Variants in RAI14 observed in about 807,000 individuals in gnomAD.
The protein encoded by RAI14 is ankycorbin.
Under a neutral mutation model 115.4 loss-of-function variants are expected in RAI14, and 45 were observed. The ratio of observed to expected loss-of-function variants is 0.39; its 90% CI spans 0.31 to 0.50. The LOEUF is 0.50. RAI14 is among the 20% of genes least tolerant of loss of function. The probability of loss-of-function intolerance (pLI) is 0.85; values close to 1 mark genes in which losing one functional copy is unlikely to be tolerated. For missense variants in RAI14, 939 were observed against 1,131.2 expected, an observed-to-expected ratio of 0.83 and a Z score of 2.44; for synonymous variants, 371 against 415.4, an observed-to-expected ratio of 0.89 and a Z score of 1.30.
chr5:34,740,127 G>C (rs1269034408), intron 2 of RAI14, among the ~76,000 whole-genome samples: 3 of 152,174 alleles, frequency 2.0e-5, no homozygotes. Flanking sequence ...TATACACCAA[G>C]TGACTTTCAG....
chr5:34,813,534 AC>A, intron 10 of RAI14, 39 bp from the exon 11 acceptor site: 1 of 1,500,424 alleles, frequency 6.7e-7, no homozygotes, highest in Non-Finnish European at 9.2e-7. Flanking sequence ...TACTAACCAA[AC>A]TAACCCACCT....
At position 34,767,584 on chromosome 5, in the gene RAI14, C is replaced by T. The variant is rs962068573; in HGVS notation, c.167+9986C>T. 8.8e-5 allele frequency among the ~76,000 whole-genome samples: 13 copies of T among 146,986 alleles called. 1 individual carries two copies. Among genetic ancestry groups the T allele is most frequent in the African/African-American group, 3.0e-4 (12 of 39,394 alleles). The stretch of plus-strand genomic sequence containing the variant: ...CCTTCCAAGATGCTGTCGCTGCCAC[C>T]GCCACCGCCCCCACCACCCCCACCA... On this transcript the variant is annotated intron_variant, in intron 3 of 17. Coordinates refer to ENST00000265109, the MANE Select transcript of RAI14 (RefSeq NM_015577.3).
chr5:34,822,724 C>A (rs1757012696), intron 14 of RAI14, among the ~76,000 whole-genome samples: 1 of 120,472 alleles, frequency 8.3e-6, no homozygotes, highest in Non-Finnish European at 1.6e-5. Flanking sequence ...TGCTCTGTCG[C>A]CCAGGCTGGA....
chr5:34,688,227 G>A, intron 2 of RAI14: 1 of 1,551,372 alleles, frequency 6.4e-7, no homozygotes, highest in Non-Finnish European at 8.7e-7. Flanking sequence ...ATCTCCCGTG[G>A]CTTTCAGCTA....
intron 8 of RAI14, among the ~76,000 whole-genome samples, chr5:34,811,513 T>C (rs945915103): frequency 6.6e-6 from 1 of 151,998 alleles, no homozygotes; most frequent in East Asian, 1.9e-4. Flanking sequence ...CATCATATTA[T>C]GCCAAATAGT....
Position 34,823,425 on chromosome 5 carries a change from C to G in RAI14, c.1583C>G (p.Thr528Arg), listed in dbSNP as rs367899291. The change falls in exon 15 of 18, where the codon ACG becomes AGG. Residue 528 changes from threonine to arginine, a missense_variant. Thr to Arg is a moderately conservative substitution (Grantham distance 71). Coordinates refer to ENST00000265109, the MANE Select transcript of RAI14 (RefSeq NM_015577.3). This position sits in a 1 kb window ranked among gnomAD's most constrained non-coding sequence, Gnocchi z 4.5. The stretch of plus-strand genomic sequence containing the variant: ...TCACATTTCCACGAGCTGAGGGTCA[C>G]GGAAGAGGAAATAAATGTGCTAAAG... Reference protein sequence around the residue: ...NYSHFHELRVTEEEINVLKQD... With the variant: ...NYSHFHELRVREEEINVLKQD... The G allele has an allele frequency of 6.2e-7, 1 of 1,613,656 alleles. No individual in the cohort carries two copies. The highest frequency in any genetic ancestry group is 8.5e-7 in the Non-Finnish European group (1 of 1,179,920).
At chr5:34,806,935 A>G (rs1754975442) in intron 5 of RAI14, among the ~76,000 whole-genome samples, 1 of 152,300 alleles carries the variant, frequency 6.6e-6, no homozygotes, top group South Asian at 2.1e-4. Context: ...TGAGCAAATT[A>G]TCAACTTTTT....
Position 34,823,011 on chromosome 5 carries a change from C to T in RAI14, c.1169C>T (p.Thr390Ile). 6.2e-7 allele frequency: 1 copy of T among 1,614,072 alleles called. No homozygotes were observed. The highest frequency in any genetic ancestry group is 8.5e-7 in the Non-Finnish European group (1 of 1,180,020). Residue 390 changes from threonine (T) to isoleucine (I), a missense_variant, in exon 15 of 18, where the codon ACC becomes ATC. Coordinates refer to ENST00000265109, the MANE Select transcript of RAI14 (RefSeq NM_015577.3). The surrounding 1 kb of genome is among the most constrained non-coding windows in gnomAD (Gnocchi z 4.5). ...ADLSFDSYHSTQTDLGPSLGK... is the reference protein window; with the variant it reads ...ADLSFDSYHSIQTDLGPSLGK... ...CTAAGCTTTGACTCATACCATTCCACCCAAACTGACTTGGGCCCATCCCTG... is the reference window on the plus strand; with the variant it reads ...CTAAGCTTTGACTCATACCATTCCATCCAAACTGACTTGGGCCCATCCCTG...
At chr5:34,761,396 G>A (rs1435487158) in intron 3 of RAI14, among the ~76,000 whole-genome samples, 4 of 152,126 alleles carry the variant, frequency 2.6e-5, no homozygotes, top group Non-Finnish European at 5.9e-5. Context: ...TAATGATGGG[G>A]TCTTGCTGTC....
intron 2 of RAI14, 76 bp from the exon 3 acceptor site, chr5:34,757,392 A>G (rs1748030504): frequency 1.3e-6 from 2 of 1,513,870 alleles, no homozygotes; most frequent in Admixed American, 1.7e-5. Flanking sequence ...GGGGGCTGCG[A>G]GGACTGCAGC....
intron 2 of RAI14, among the ~76,000 whole-genome samples, chr5:34,715,034 C>A (rs1283591198): frequency 6.6e-6 from 1 of 152,058 alleles, no homozygotes; most frequent in African/African-American, 2.4e-5. Context: ...AGAAGGAATT[C>A]ATGAGTCAGA....
intron 3 of RAI14, among the ~76,000 whole-genome samples, chr5:34,761,256 C>T (rs962885488): frequency 3.9e-5 from 6 of 152,162 alleles, no homozygotes; most frequent in Admixed American, 1.3e-4. Context: ...GTGCAGTCAC[C>T]GCTCACTGTA....
At chr5:34,714,360 G>A (rs1007654622) in intron 2 of RAI14, among the ~76,000 whole-genome samples, 2 of 152,150 alleles carry the variant, frequency 1.3e-5, no homozygotes, top group African/African-American at 2.4e-5. Context: ...AATTTTTAGA[G>A]AAGAAACCAC....
chr5:34,830,758 A>C lies in RAI14; in HGVS notation c.2936A>C (p.Lys979Thr). Residue 979 changes from lysine to threonine, a missense_variant, in exon 18 of 18, where the codon AAG (lysine) becomes ACG (threonine). By Grantham distance (78) the Lys-to-Thr change is moderately conservative (BLOSUM62 -1). Coordinates refer to ENST00000265109, the MANE Select transcript of RAI14 (RefSeq NM_015577.3). ...ACCATGTGTAAAAACCAGTCTCAAA[A>C]GAAGTAAAGTGGATTCCTTGGCAGG... ...ILTMCKNQSQ[K>T]K 1 of 1,614,182 alleles carries C rather than the reference A, an allele frequency of 6.2e-7. No homozygotes were observed. The highest frequency in any genetic ancestry group is 8.5e-7 in the Non-Finnish European group (1 of 1,180,006).
At chr5:34,730,130 T>C (rs1743990161) in intron 2 of RAI14, among the ~76,000 whole-genome samples, 1 of 152,202 alleles carries the variant, frequency 6.6e-6, no homozygotes, top group Non-Finnish European at 1.5e-5. Flanking sequence ...AATTATCCAC[T>C]CTATTTTTGG....
At chr5:34,746,785 G>C (rs978180706) in intron 2 of RAI14, among the ~76,000 whole-genome samples, 1 of 152,054 alleles carries the variant, frequency 6.6e-6, no homozygotes, top group African/African-American at 2.4e-5. Flanking sequence ...GATATGTCTT[G>C]GCTGTGTCCC....
intron 2 of RAI14, among the ~76,000 whole-genome samples, chr5:34,723,561 G>A (rs1743072079): frequency 6.6e-6 from 1 of 152,126 alleles, no homozygotes; most frequent in Non-Finnish European, 1.5e-5. Context: ...ATCTAGACTG[G>A]TGTTTGACCA....
intron 2 of RAI14, among the ~76,000 whole-genome samples, chr5:34,689,519 A>G (rs1738307458): frequency 6.6e-6 from 1 of 152,182 alleles, no homozygotes; most frequent in South Asian, 2.1e-4. Flanking sequence ...CAGATTCCTC[A>G]CTAGAAAAGT....
intron 2 of RAI14, among the ~76,000 whole-genome samples, chr5:34,694,772 G>C (rs1376562060): frequency 6.6e-6 from 1 of 152,184 alleles, no homozygotes; most frequent in African/African-American, 2.4e-5. Flanking sequence ...CCTTGGATAT[G>C]TTTGTTCTAA....
Sources: gnomAD v4.1 joint callset for allele counts (sites outside exome capture counted in the v4.1 genomes callset) on GRCh38, gnomAD v4.1.1 for gene constraint, Gnocchi (gnomAD v3.1) non-coding constraint, MANE v1.5 for transcripts, NCBI Gene and HGNC (gene_info 2026-07-23, HGNC 2026-07-21) for gene names.